Variants in DHX29 observed in about 807,000 individuals in gnomAD.
DHX29 encodes the protein ATP-dependent RNA helicase DHX29.
Under a neutral mutation model 167.9 loss-of-function variants are expected in DHX29, and 79 were observed. The ratio of observed to expected loss-of-function variants is 0.47; its 90% CI spans 0.39 to 0.57. The LOEUF is 0.57. DHX29 is among the 20% of genes least tolerant of loss of function. DHX29 has a pLI of 0.00. For synonymous variants in DHX29, 530 were observed against 546.0 expected, an observed-to-expected ratio of 0.97 and a Z score of 0.41; for missense variants, 1,347 against 1,593.4, an observed-to-expected ratio of 0.85 and a Z score of 2.63.
intron 26 of DHX29, among the ~76,000 whole-genome samples, chr5:55,258,222 A>C (rs1419079834): frequency 6.6e-6 from 1 of 152,202 alleles, no homozygotes; most frequent in Non-Finnish European, 1.5e-5. Context: ...CACCAACTAG[A>C]AAGTATTATT....
rs868068205 is a variant in DHX29 at position 55,256,402 on chromosome 5, T to C, written c.*86A>G. The C allele has an allele frequency of 8.2e-7, 1 of 1,221,124 alleles. No homozygotes were observed. 75.6% of individuals were successfully genotyped at this position (1,221,124 alleles called of 1,614,324 possible). A position where few individuals can be genotyped will look rare whatever the true frequency, so the allele number is the denominator to read the frequency against. On this transcript the variant is annotated 3_prime_UTR_variant, in exon 27 of 27. Transcript: ENST00000251636. ...AGTACCAACATTTTAAGTAATGAAA[T>C]ACTTAATGTGATGACCCATTTTCAG...
intron 14 of DHX29, 24 bp downstream of exon 14, chr5:55,276,242 T>A: frequency 6.5e-7 from 1 of 1,549,986 alleles, no homozygotes; most frequent in Non-Finnish European, 8.7e-7. Context: ...TTATCTGATA[T>A]CTTTCAAAAT....
intron 10 of DHX29, among the ~76,000 whole-genome samples, chr5:55,284,956 G>A (rs1747640012): frequency 6.6e-6 from 1 of 152,078 alleles, no homozygotes; most frequent in East Asian, 1.9e-4. Flanking sequence ...ATCACTTGAG[G>A]CTTCAGTGAG....
rs763297635 is a variant in DHX29, at chr5:55,285,337, G to T, written c.1312C>A (p.His438Asn). Residue 438 changes from histidine to asparagine, a missense_variant, in exon 10 of 27, where the codon CAC becomes AAC. By Grantham distance (68) the His-to-Asn change is moderately conservative. Transcript: ENST00000251636. The part of the protein sequence containing the change: ...ILTEDGMQAQ[H>N]LGATLALYRL... ...TAAAGGGCTAAAGTAGCTCCCAGGT[G>T]CTGAGCTTGCATGCCATCTTCTGTT... is the stretch of plus-strand genomic sequence containing the variant. The T allele has an allele frequency of 1.9e-6, 3 of 1,613,958 alleles. No homozygotes were observed. Among genetic ancestry groups the T allele is most frequent in the Non-Finnish European group, 2.5e-6 (3 of 1,180,012 alleles).
intron 14 of DHX29, among the ~76,000 whole-genome samples, chr5:55,275,725 CTATGTATGTATGTATGTATGTATG>C (rs375674768): frequency 1.3e-5 from 2 of 148,870 alleles, no homozygotes; most frequent in African/African-American, 5.0e-5. Flanking sequence ...GACAGCTTCA[CTATGTATGTATGTATGTATGTATG>C]TATGTATGTA....
At chr5:55,265,503 GA>G (rs1189145313) in intron 23 of DHX29, among the ~76,000 whole-genome samples, 1 of 152,036 alleles carries the variant, frequency 6.6e-6, no homozygotes. Flanking sequence ...GCCATATCCA[GA>G]ATGCAGGAAA....
chr5:55,293,964 T>C, intron 6 of DHX29, 53 bp downstream of exon 6: 1 of 1,562,250 alleles, frequency 6.4e-7, no homozygotes, highest in Non-Finnish European at 8.6e-7. Context: ...GAAAAGGAAA[T>C]ATATCTTGCT....
Position 55,307,511 on chromosome 5 carries a change from A to C in DHX29, c.63T>G (p.Ser21=). 6.2e-7 allele frequency: 1 copy of C among 1,613,644 alleles called. No individual in the cohort carries two copies. Among genetic ancestry groups the C allele is most frequent in the Non-Finnish European group, 8.5e-7 (1 of 1,179,942 alleles). Residue 21 remains serine (S), a synonymous_variant, in exon 1 of 27, where the codon TCT becomes TCG. Coordinates refer to ENST00000251636, the MANE Select transcript of DHX29 (RefSeq NM_019030.4). The part of the protein sequence containing the change: ...PAAAVVRAAV[S]ASRAKSAEAG... ...CCTCGGCAGATTTGGCTCTGGAAGC[A>C]GACACGGCGGCCCGGACCACCGCGG... is the stretch of plus-strand genomic sequence containing the variant.
At chr5:55,265,618 T>A (rs927720865) in intron 23 of DHX29, among the ~76,000 whole-genome samples, 4 of 149,674 alleles carry the variant, frequency 2.7e-5, no homozygotes, top group East Asian at 2.0e-4. Context: ...AAAAAACATA[T>A]GAACCAAATT....
intron 1 of DHX29, among the ~76,000 whole-genome samples, chr5:55,307,042 A>C (rs1451625802): frequency 6.6e-6 from 1 of 152,148 alleles, no homozygotes; most frequent in Admixed American, 6.5e-5. Context: ...CAGGAACTCC[A>C]CTCAGTACTC....
At chr5:55,304,818 T>G (rs994233808) in intron 1 of DHX29, among the ~76,000 whole-genome samples, 2 of 152,190 alleles carry the variant, frequency 1.3e-5, no homozygotes, top group Non-Finnish European at 2.9e-5. Context: ...ATTGGAAAGA[T>G]AAGGAGGGAC....
intron 25 of DHX29, 28 bp downstream of exon 25, chr5:55,261,339 TA>T: frequency 7.4e-7 from 1 of 1,355,488 alleles, no homozygotes; most frequent in Non-Finnish European, 1.0e-6. Context: ...AAATTTTTAA[TA>T]ATCAATAAAA....
At chr5:55,275,732 T>C (rs1747074582) in intron 14 of DHX29, among the ~76,000 whole-genome samples, 1 of 146,580 alleles carries the variant, frequency 6.8e-6, no homozygotes, top group Admixed American at 6.7e-5. Context: ...TCACTATGTA[T>C]GTATGTATGT....
Position 55,279,268 on chromosome 5 carries a change from G to C in DHX29, c.2110-1986C>G, listed in dbSNP as rs183381635. Among the ~76,000 whole-genome samples, 5 of 152,244 alleles carry C rather than the reference G, an allele frequency of 3.3e-5. No individual in the cohort carries two copies. In the East Asian group the frequency reaches 9.7e-4, roughly 29 times the overall value. ...AAAATCTTAAAGACACTTTTACTTT[G>C]GTGGTTTGACCAGGTGACTGGGGAT... On this transcript the variant is annotated intron_variant, in intron 12 of 26. Coordinates refer to ENST00000251636, the MANE Select transcript of DHX29 (RefSeq NM_019030.4).
Position 55,283,418 on chromosome 5 carries a change from T to C in DHX29, c.1750A>G (p.Thr584Ala). 6.2e-7 allele frequency: 1 copy of C among 1,614,170 alleles called. No homozygotes were observed. The highest frequency in any genetic ancestry group is 1.1e-5 in the South Asian group (1 of 91,076). Residue 584 changes from threonine (T) to alanine (A), a missense_variant, in exon 11 of 27, where the codon ACT (threonine) becomes GCT (alanine). Coordinates refer to ENST00000251636, the MANE Select transcript of DHX29 (RefSeq NM_019030.4). ...VFKHRDSIVE[T>A]LKRHRVVVVA... The stretch of plus-strand genomic sequence containing the variant: ...ACCACTACCCGATGCCTTTTAAGAG[T>C]TTCAACAATTGAGTCCCGATGTTTA...
chr5:55,283,841 C>A, intron 10 of DHX29, 30 bp from the exon 11 acceptor site: 1 of 1,525,640 alleles, frequency 6.6e-7, no homozygotes, highest in Non-Finnish European at 8.8e-7. Context: ...ATGTTATTTT[C>A]ACTAACTATT....
intron 7 of DHX29, among the ~76,000 whole-genome samples, 197 bp downstream of exon 7, chr5:55,290,021 T>C (rs959530294): frequency 6.6e-6 from 1 of 152,212 alleles, no homozygotes; most frequent in African/African-American, 2.4e-5. Context: ...AACAGCAAAT[T>C]TGAATAGTTG....
chr5:55,304,905 T>C (rs925357672), intron 1 of DHX29, among the ~76,000 whole-genome samples: 2 of 152,226 alleles, frequency 1.3e-5, no homozygotes, highest in African/African-American at 2.4e-5. Flanking sequence ...TTCTCCAAAA[T>C]AGGTTTATTG....
intron 12 of DHX29, among the ~76,000 whole-genome samples, chr5:55,278,665 G>GCTA (rs1381155705): frequency 6.6e-6 from 1 of 152,158 alleles, no homozygotes; most frequent in Non-Finnish European, 1.5e-5. Context: ...GGTCAAGAAG[G>GCTA]CTACTAAGAC....
Sources: allele counts gnomAD v4.1 joint callset (sites outside exome capture counted in the v4.1 genomes callset), GRCh38; gene constraint gnomAD v4.1.1; transcripts MANE v1.5; gene names NCBI Gene and HGNC (gene_info 2026-07-23, HGNC 2026-07-21).